The following COL21A1 variants were observed in gnomAD, a reference collection of about 807,000 sequenced individuals.
COL21A1 encodes collagen alpha-1(XXI) chain.
COL21A1 carries 149 observed loss-of-function variants against 137.9 expected under a neutral mutation model. That is an observed-to-expected ratio of 1.08 (90% confidence interval 0.95 to 1.24). The LOEUF (loss-of-function observed/expected upper bound fraction) is 1.24, where lower values mean the gene tolerates loss of function less well. Ranked by LOEUF, COL21A1 falls within the 50% of genes most tolerant of loss-of-function variation. The pLI is 0.00. For missense variants in COL21A1, 1,167 were observed against 1,158.4 expected, an observed-to-expected ratio of 1.01 and a Z score of -0.11; for synonymous variants, 456 against 391.5, an observed-to-expected ratio of 1.16 and a Z score of -1.95.
At chr6:56,326,777 C>CA (rs1175957562) in intron 1 of COL21A1, among the ~76,000 whole-genome samples, 3 of 152,024 alleles carry the variant, frequency 2.0e-5, no homozygotes, top group Non-Finnish European at 4.4e-5. Context: ...ATAAACAGCT[C>CA]ATCTGTTCAG....
rs148027504 is a variant in COL21A1 at position 56,156,849 on chromosome 6, C to A, written c.1434+38G>T. ...AAACTTTTACTTTGACACTGTAATCCCAGATATACCGGAGATGACTAAGCT... is the reference window on the plus strand; with the variant it reads ...AAACTTTTACTTTGACACTGTAATCACAGATATACCGGAGATGACTAAGCT... On this transcript the variant is annotated intron_variant, in intron 10 of 29. Transcript: ENST00000244728. The A allele has an allele frequency of 1.9e-4, 290 of 1,539,194 alleles. No individual in the cohort carries two copies. The African/African-American group carries it at 3.5e-3, about 18-fold the overall frequency.
At chr6:56,362,711 TAC>T (rs1338332459) in intron 1 of COL21A1, among the ~76,000 whole-genome samples, 2 of 152,104 alleles carry the variant, frequency 1.3e-5, no homozygotes, top group Non-Finnish European at 2.9e-5. Flanking sequence ...CCAGCATTTA[TAC>T]ACAGTCTGCC....
At position 56,074,870 on chromosome 6, in the gene COL21A1, A is replaced by G. The variant is rs1018023317; in HGVS notation, c.1912-585T>C. 4.0e-5 allele frequency among the ~76,000 whole-genome samples: 6 copies of G among 151,534 alleles called. No individual in the cohort carries two copies. The Middle Eastern group carries it at 0.014, about 344-fold the overall frequency. On this transcript the variant is annotated intron_variant, in intron 19 of 29. Transcript: ENST00000244728. ...TATTTAACACACTTTACAAAGGAAA[A>G]GGGATTAAAAAATTATATCATTAGA...
intron 1 of COL21A1, among the ~76,000 whole-genome samples, chr6:56,224,703 T>C (rs557907883): frequency 2.6e-5 from 4 of 152,226 alleles, no homozygotes; most frequent in African/African-American, 9.6e-5. Flanking sequence ...CTTTCTCTGA[T>C]ATTTCCCTGT....
chr6:56,308,742 AAAC>A (rs138658022), intron 1 of COL21A1, among the ~76,000 whole-genome samples: 127,924 of 151,764 alleles, frequency 0.84, 55,892 homozygotes, highest in South Asian at 0.97. Context: ...TACTACAAAA[AAAC>A]AAATAAGATT....
chr6:56,206,021 G>A (rs1167540037), intron 1 of COL21A1, among the ~76,000 whole-genome samples: 1 of 152,138 alleles, frequency 6.6e-6, no homozygotes, highest in East Asian at 1.9e-4. Flanking sequence ...AGCAGCCACT[G>A]CAAAAACAAA....
At chr6:56,084,231 A>ATAT (rs1562168533) in intron 17 of COL21A1, among the ~76,000 whole-genome samples, 261 of 150,998 alleles carry the variant, frequency 1.7e-3, no homozygotes, top group South Asian at 5.6e-3. Flanking sequence ...TATATATATA[A>ATAT]AAAACATTAA....
chr6:56,159,237 T>A (rs1776012230), intron 9 of COL21A1, among the ~76,000 whole-genome samples: 1 of 152,228 alleles, frequency 6.6e-6, no homozygotes. Flanking sequence ...ATGATAGCTC[T>A]TAAATCACTT....
At chr6:56,198,460 A>T (rs1239573449) in intron 1 of COL21A1, among the ~76,000 whole-genome samples, 1 of 152,120 alleles carries the variant, frequency 6.6e-6, no homozygotes, top group Admixed American at 6.6e-5. Context: ...ATATCACATC[A>T]TGTGGTCAAC....
intron 1 of COL21A1, among the ~76,000 whole-genome samples, chr6:56,264,791 A>G (rs1396891573): frequency 1.3e-5 from 2 of 152,208 alleles, no homozygotes; most frequent in Non-Finnish European, 2.9e-5. Flanking sequence ...AGTTCTATAA[A>G]TGTTATCTTC....
intron 21 of COL21A1, among the ~76,000 whole-genome samples, chr6:56,069,704 G>T (rs1266579232): frequency 3.3e-5 from 5 of 149,964 alleles, no homozygotes; most frequent in African/African-American, 1.2e-4. Context: ...ATATTATAAA[G>T]TTCTTATGCT....
intron 17 of COL21A1, among the ~76,000 whole-genome samples, chr6:56,092,891 C>A (rs879787260): frequency 1.3e-5 from 2 of 152,018 alleles, no homozygotes; most frequent in African/African-American, 2.4e-5. Context: ...GCTGTGTGTC[C>A]CCCAGAAGCT....
rs149101011 is a variant in COL21A1 at position 56,190,972 on chromosome 6, T to C, written c.-38-8316A>G. On this transcript the variant is annotated intron_variant, in intron 1 of 29. Coordinates refer to ENST00000244728, the MANE Select transcript of COL21A1 (RefSeq NM_030820.4). ...AACGTATCTTAAAATAGTAAAGCTATTTATGACAAACCCACAGCCAATATC... is the reference window on the plus strand; with the variant it reads ...AACGTATCTTAAAATAGTAAAGCTACTTATGACAAACCCACAGCCAATATC... Among the ~76,000 whole-genome samples the C allele has an allele frequency of 9.3e-4, 142 of 152,288 alleles. 1 individual carries two copies. The highest frequency in any genetic ancestry group is 3.3e-3 in the African/African-American group (136 of 41,564).
At chr6:56,217,404 T>G (rs752237098) in intron 1 of COL21A1, among the ~76,000 whole-genome samples, 1 of 152,066 alleles carries the variant, frequency 6.6e-6, no homozygotes, top group Admixed American at 6.6e-5. Context: ...CTGTCAACCA[T>G]GAATTTTCTC....
At chr6:56,362,570 T>C (rs1765997803) in intron 1 of COL21A1, among the ~76,000 whole-genome samples, 1 of 152,164 alleles carries the variant, frequency 6.6e-6, no homozygotes. Context: ...AACGCTGATT[T>C]TGGCTCTCCC....
chr6:56,098,440 A>T (rs796069999), intron 17 of COL21A1, among the ~76,000 whole-genome samples: 3 of 5,248 alleles, frequency 5.7e-4, no homozygotes, highest in African/African-American at 2.4e-3. Flanking sequence ...AATATATATA[A>T]ATATATATAT....
chr6:56,290,083 G>A (rs1764005076), intron 1 of COL21A1, among the ~76,000 whole-genome samples: 2 of 152,118 alleles, frequency 1.3e-5, no homozygotes, highest in African/African-American at 4.8e-5. Context: ...TCACTTGCCA[G>A]CTCTAGGTCC....
intron 23 of COL21A1, among the ~76,000 whole-genome samples, chr6:56,065,424 C>T (rs1163608680): frequency 6.6e-6 from 1 of 151,984 alleles, no homozygotes; most frequent in Non-Finnish European, 1.5e-5. Context: ...ATCATTGTGG[C>T]CTTCAAGTCA....
chr6:56,107,192 A>G (rs1771014346), intron 16 of COL21A1, among the ~76,000 whole-genome samples: 1 of 152,226 alleles, frequency 6.6e-6, no homozygotes, highest in Non-Finnish European at 1.5e-5. Context: ...TCAGATGAGA[A>G]CGATGATTAA....
Sources: allele counts gnomAD v4.1 joint callset (sites outside exome capture counted in the v4.1 genomes callset), GRCh38; gene constraint gnomAD v4.1.1; transcripts MANE v1.5; gene names NCBI Gene and HGNC (gene_info 2026-07-23, HGNC 2026-07-21).